MAP7D1: variants seen among roughly 807,000 people sequenced by gnomAD.
MAP7D1 encodes MAP7 domain containing 1, also known as MAP7 domain-containing protein 1.
MAP7D1 carries 30 observed loss-of-function variants against 97.5 expected under a neutral mutation model. The observed-to-expected ratio is 0.31, with a 90% CI of 0.23 to 0.42. The LOEUF (loss-of-function observed/expected upper bound fraction) is 0.42, where lower values mean the gene tolerates loss of function less well. MAP7D1 is among the 10% of genes least tolerant of loss of function. The probability of loss-of-function intolerance (pLI) is 1.00; values close to 1 mark genes in which losing one functional copy is unlikely to be tolerated. For missense variants in MAP7D1, 1,184 were observed against 1,179.5 expected, an observed-to-expected ratio of 1.00 and a Z score of -0.06; for synonymous variants, 536 against 477.1, an observed-to-expected ratio of 1.12 and a Z score of -1.61.
Position 36,176,456 on chromosome 1 carries a change from C to T in MAP7D1, c.1108C>T (p.Leu370=), listed in dbSNP as rs1261608872. Reference sequence around the variant, plus strand: ...CCCGCGCTCGGCCTCCGCCAGCCCCCTGACGCCGTGCAGCGTCACCCGAAG... The same window carrying T: ...CCCGCGCTCGGCCTCCGCCAGCCCCTTGACGCCGTGCAGCGTCACCCGAAG... ...VCPRSASASP[L]TPCSVTRSVH... Residue 370 remains leucine, a synonymous_variant, in exon 7 of 17, where the codon CTG becomes TTG. Coordinates refer to ENST00000474796, the MANE Select transcript of MAP7D1 (RefSeq NM_001388490.1). The surrounding 1 kb of genome is among the most constrained non-coding windows in gnomAD (Gnocchi z 6.1). 1.7e-5 allele frequency: 25 copies of T among 1,506,240 alleles called. No individual in the cohort carries two copies. The highest frequency in any genetic ancestry group is 2.2e-5 in the Non-Finnish European group (25 of 1,135,066). 93.3% of individuals were successfully genotyped at this position (1,506,240 alleles called of 1,614,324 possible). A position where few individuals can be genotyped will look rare whatever the true frequency, so the allele number is the denominator to read the frequency against.
rs142429998 is a variant in MAP7D1 at position 36,179,577 on chromosome 1, C to G, written c.2227+20C>G. On this transcript the variant is annotated intron_variant, in intron 14 of 16. Transcript: ENST00000474796. Reference sequence around the variant, plus strand: ...GCCCAGGTAAAGCCCCCATTCCTCTCGCCTCCCTTCCCTTTGCCATCCTCC... The same window carrying G: ...GCCCAGGTAAAGCCCCCATTCCTCTGGCCTCCCTTCCCTTTGCCATCCTCC... 2 of 1,558,050 alleles carry G rather than the reference C, an allele frequency of 1.3e-6. No homozygotes were observed. The highest frequency in any genetic ancestry group is 1.7e-6 in the Non-Finnish European group (2 of 1,150,136).
At chr1:36,172,426 AACCCTTC>A in intron 3 of MAP7D1, 31 bp from the exon 4 acceptor site, 1 of 1,467,450 alleles carries the variant, frequency 6.8e-7, no homozygotes, top group South Asian at 1.4e-5. Context: ...CCTTCTGCAG[AACCCTTC>A]ACACACGCCA....
chr1:36,179,718 G>A lies in MAP7D1; in HGVS notation c.2280G>A (p.Val760=), dbSNP rs374582114. 5 of 1,517,538 alleles carry A rather than the reference G, an allele frequency of 3.3e-6. No individual in the cohort carries two copies. The highest frequency in any genetic ancestry group is 4.4e-6 in the Non-Finnish European group (5 of 1,134,256). 94.0% of individuals were successfully genotyped at this position (1,517,538 alleles called of 1,614,324 possible). Residue 760 remains valine, a synonymous_variant, in exon 15 of 17, where the codon GTG becomes GTA. Coordinates refer to ENST00000474796, the MANE Select transcript of MAP7D1 (RefSeq NM_001388490.1). Reference sequence around the variant, plus strand: ...CCCCAGGGCTGCAGAAGGAGGCTGTGCAGAAAGAGGAGCCCATCCCACAGG... The same window carrying A: ...CCCCAGGGCTGCAGAAGGAGGCTGTACAGAAAGAGGAGCCCATCCCACAGG... The part of the protein sequence containing the change: ...ARSPGLQKEA[V]QKEEPIPQEP...
chr1:36,172,048 C>A, intron 3 of MAP7D1: 1 of 173,964 alleles, frequency 5.7e-6, no homozygotes, highest in Non-Finnish European at 1.2e-5. Flanking sequence ...GAGGAGGAAA[C>A]AGAGGCTCAG....
At chr1:36,173,572 C>A in intron 5 of MAP7D1, 94 bp downstream of exon 5, 1 of 901,758 alleles carries the variant, frequency 1.1e-6, no homozygotes. Context: ...CTGGTGGCTC[C>A]CTGCAGCAGG....
chr1:36,158,665 A>C lies in MAP7D1; in HGVS notation c.46+2202A>C, dbSNP rs550058159. On this transcript the variant is annotated intron_variant, in intron 1 of 16. Transcript: ENST00000474796. The stretch of plus-strand genomic sequence containing the variant: ...GTGAGGGTTAGAGATGATTTAACTC[A>C]AGGAATCTGGCACGCAGACACCAGA... Among the ~76,000 whole-genome samples the C allele has an allele frequency of 4.8e-4, 73 of 152,322 alleles. No individual in the cohort carries two copies. The Middle Eastern group carries it at 0.014, about 28-fold the overall frequency.
In MAP7D1 at chr1:36,166,591, G is replaced by A. The variant is rs190416521; in HGVS notation, c.47-4380G>A. Reference sequence around the variant, plus strand: ...TTTTTAGTACAGACGGGGTTTCACCGTGTTGGCCAGGATGGTCTCGATCTC... The same window carrying A: ...TTTTTAGTACAGACGGGGTTTCACCATGTTGGCCAGGATGGTCTCGATCTC... On this transcript the variant is annotated intron_variant, in intron 1 of 16. Transcript: ENST00000474796. Among the ~76,000 whole-genome samples, 220 of 152,008 alleles carry A rather than the reference G, an allele frequency of 1.4e-3. 1 individual carries two copies. Among genetic ancestry groups the A allele is most frequent in the Non-Finnish European group, 2.4e-3 (166 of 67,950 alleles).
chr1:36,170,913 G>C (rs1347783887), intron 1 of MAP7D1, 58 bp from the exon 2 acceptor site: 1 of 715,088 alleles, frequency 1.4e-6, no homozygotes, highest in African/African-American at 1.8e-5. Flanking sequence ...GCCACATATG[G>C]GGCTGATGGC....
At chr1:36,168,967 T>G (rs973437189) in intron 1 of MAP7D1, among the ~76,000 whole-genome samples, 2 of 152,000 alleles carry the variant, frequency 1.3e-5, no homozygotes, top group African/African-American at 4.8e-5. Context: ...TAATAACATA[T>G]AAGGCCGGGT....
rs12563354 is a variant in MAP7D1 at position 36,178,084 on chromosome 1, C to G, written c.1591C>G (p.Arg531Gly). ...AGPEDKSQSKRRASNEKESAA... is the reference protein window; with the variant it reads ...AGPEDKSQSKGRASNEKESAA... ...GCCCGAGGACAAGAGCCAGAGCAAGCGCAGGGCCAGTAACGAGAAGGAGTC... is the reference window on the plus strand; with the variant it reads ...GCCCGAGGACAAGAGCCAGAGCAAGGGCAGGGCCAGTAACGAGAAGGAGTC... The change falls in exon 9 of 17, where the codon CGC (arginine) becomes GGC (glycine). Residue 531 changes from arginine (R) to glycine (G), a missense_variant. Physicochemically the swap from Arg to Gly is moderately radical, Grantham distance 125. Coordinates refer to ENST00000474796, the MANE Select transcript of MAP7D1 (RefSeq NM_001388490.1). The G allele has an allele frequency of 6.2e-7, 1 of 1,607,246 alleles. No individual in the cohort carries two copies. Among genetic ancestry groups the G allele is most frequent in the South Asian group, 1.1e-5 (1 of 90,514 alleles).
At position 36,171,478 on chromosome 1, in the gene MAP7D1, C is replaced by G. The variant is rs1557776823; in HGVS notation, c.392-35C>G. On this transcript the variant is annotated intron_variant, in intron 2 of 16. Transcript: ENST00000474796. ...AGGCTGACTCCTCTTTGGGGACAGCCTTTTGACCTGTCTGTTCTTGTTCCC... is the reference window on the plus strand; with the variant it reads ...AGGCTGACTCCTCTTTGGGGACAGCGTTTTGACCTGTCTGTTCTTGTTCCC... 5 of 1,612,124 alleles carry G rather than the reference C, an allele frequency of 3.1e-6. No homozygotes were observed. The South Asian group carries it at 5.5e-5, about 18-fold the overall frequency.
chr1:36,177,742 T>C, intron 8 of MAP7D1, 131 bp from the exon 9 acceptor site: 1 of 1,272,558 alleles, frequency 7.9e-7, no homozygotes, highest in South Asian at 1.8e-5. Context: ...GGTGTGTTTC[T>C]GTGAGAGCAA....
In MAP7D1 at chr1:36,170,992, C is replaced by G; in HGVS notation, c.68C>G (p.Pro23Arg). Residue 23 changes from proline (P) to arginine (R), a missense_variant, in exon 2 of 17, where the codon CCA (proline) becomes CGA (arginine). Transcript: ENST00000474796. The part of the protein sequence containing the change: ...APPAVVARTP[P>R]EPRPSPEGDP... Reference sequence around the variant, plus strand: ...TCAGCTGTGGTCGCCAGGACCCCCCCAGAGCCAAGACCTTCTCCAGAAGGT... The same window carrying G: ...TCAGCTGTGGTCGCCAGGACCCCCCGAGAGCCAAGACCTTCTCCAGAAGGT... 1 of 1,525,072 alleles carries G rather than the reference C, an allele frequency of 6.6e-7. No individual in the cohort carries two copies. Among genetic ancestry groups the G allele is most frequent in the Non-Finnish European group, 9.0e-7 (1 of 1,109,924 alleles). The allele number at this position is 1,525,072 out of a possible 1,614,324, so 94.5% of individuals were successfully genotyped here. A position where few individuals can be genotyped will look rare whatever the true frequency, so the allele number is the denominator to read the frequency against.
At chr1:36,170,502 G>T (rs1198722130) in intron 1 of MAP7D1, among the ~76,000 whole-genome samples, 1 of 151,994 alleles carries the variant, frequency 6.6e-6, no homozygotes, top group Non-Finnish European at 1.5e-5. Context: ...AACAATCAGT[G>T]CATTTGGTGC....
chr1:36,176,618 G>T lies in MAP7D1; in HGVS notation c.1233+37G>T. On this transcript the variant is annotated intron_variant, in intron 7 of 16. Coordinates refer to ENST00000474796, the MANE Select transcript of MAP7D1 (RefSeq NM_001388490.1). This position sits in a 1 kb window ranked among gnomAD's most constrained non-coding sequence, Gnocchi z 6.1. ...TACTGGCTCGAGTGGCCGCGCAGGT[G>T]GGGACAGGCAGCCTGGAACTGGGGT... 6.4e-7 allele frequency: 1 copy of T among 1,560,928 alleles called. No homozygotes were observed.
At position 36,176,796 on chromosome 1, in the gene MAP7D1, G is replaced by C; in HGVS notation, c.1333G>C (p.Ala445Pro). The C allele has an allele frequency of 6.3e-7, 1 of 1,594,636 alleles. No homozygotes were observed. The highest frequency in any genetic ancestry group is 8.5e-7 in the Non-Finnish European group (1 of 1,171,850). Residue 445 changes from alanine (A) to proline (P), a missense_variant, in exon 8 of 17, where the codon GCC becomes CCC. Coordinates refer to ENST00000474796, the MANE Select transcript of MAP7D1 (RefSeq NM_001388490.1). This position sits in a 1 kb window ranked among gnomAD's most constrained non-coding sequence, Gnocchi z 6.1. ...CCTCAAGAAGCGCCAGTCGCTGCCC[G>C]CCTCCCCACGTGCCCGCCTCTCTGC... ...RSLKKRQSLP[A>P]SPRARLSAST...
In MAP7D1 at chr1:36,179,329, C is replaced by G. The variant is rs779538855; in HGVS notation, c.2184+14C>G. 3.2e-5 allele frequency: 52 copies of G among 1,613,662 alleles called. No individual in the cohort carries two copies. The highest frequency in any genetic ancestry group is 4.4e-5 in the Non-Finnish European group (52 of 1,179,832). On this transcript the variant is annotated intron_variant, in intron 13 of 16. Transcript: ENST00000474796. The stretch of plus-strand genomic sequence containing the variant: ...TCTGAAACCAAGGTCAGAATTCCCC[C>G]GAAGGGCAGTGCTGGGCGTGGGGGG...
In MAP7D1 at chr1:36,178,965, G is replaced by A. The variant is rs1644673917; in HGVS notation, c.2070G>A (p.Gln690=). The change falls in exon 12 of 17, where the codon CAG becomes CAA. Residue 690 remains glutamine (Q), a synonymous_variant. Transcript: ENST00000474796. ...EARSREEAER[Q]RLEREKHFQQ... ...GGTCGCGGGAAGAGGCGGAGCGGCA[G>A]CGTCTGGAGCGGGAAAAGCACTTCC... The A allele has an allele frequency of 1.3e-6, 2 of 1,559,064 alleles. No individual in the cohort carries two copies. The highest frequency in any genetic ancestry group is 8.7e-7 in the Non-Finnish European group (1 of 1,151,804).
intron 1 of MAP7D1, among the ~76,000 whole-genome samples, chr1:36,168,441 C>G (rs1279829302): frequency 6.6e-6 from 1 of 152,168 alleles, no homozygotes; most frequent in Non-Finnish European, 1.5e-5. Context: ...ACAGGGTGCA[C>G]CACTGTTAGT....
Sources: allele counts gnomAD v4.1 joint callset (sites outside exome capture counted in the v4.1 genomes callset), GRCh38; gene constraint gnomAD v4.1.1; non-coding constraint Gnocchi (gnomAD v3.1); transcripts MANE v1.5; gene names NCBI Gene and HGNC (gene_info 2026-07-23, HGNC 2026-07-21).